ADAMTS19: variants seen among roughly 807,000 people sequenced by gnomAD.
ADAMTS19 encodes the protein ADAM metallopeptidase with thrombospondin type 1 motif 19.
In ADAMTS19, 93 loss-of-function variants were observed where a neutral mutation model predicts 153.3. The ratio of observed to expected loss-of-function variants is 0.61; its 90% confidence interval spans 0.51 to 0.72. ADAMTS19 has a LOEUF of 0.72. Ranked by LOEUF, ADAMTS19 falls within the 30% of genes least tolerant of loss-of-function variation. The pLI, the probability that ADAMTS19 is intolerant of heterozygous loss-of-function variation, is 0.00. For missense variants in ADAMTS19, 1,482 were observed against 1,552.1 expected, an observed-to-expected ratio of 0.95 and a Z score of 0.76; for synonymous variants, 600 against 556.6, an observed-to-expected ratio of 1.08 and a Z score of -1.10.
intron 2 of ADAMTS19, among the ~76,000 whole-genome samples, chr5:129,473,065 A>G (rs1048675512): frequency 6.6e-6 from 1 of 151,774 alleles, no homozygotes; most frequent in African/African-American, 2.4e-5. Flanking sequence ...ATGCATAAGA[A>G]TTGAATGGTA....
intron 22 of ADAMTS19, 146 bp from the exon 23 acceptor site, chr5:129,736,921 A>G (rs1757690526): frequency 3.2e-6 from 2 of 618,814 alleles, no homozygotes; most frequent in African/African-American, 1.9e-5. Context: ...ATGTGTGTGT[A>G]TCTCTTTCTT....
intron 21 of ADAMTS19, among the ~76,000 whole-genome samples, chr5:129,724,291 T>G (rs1757118272): frequency 6.6e-6 from 1 of 152,210 alleles, no homozygotes; most frequent in South Asian, 2.1e-4. Context: ...CTGCTATCTG[T>G]CATATTCTTA....
chr5:129,737,401 T>C lies in ADAMTS19; in HGVS notation c.*183T>C. On this transcript the variant is annotated 3_prime_UTR_variant, in exon 23 of 23. Transcript: ENST00000274487. ...TTGGTTACACAAACATTTTGATTTA[T>C]ACTATATGGCTTCATAAATAATTTT... The C allele has an allele frequency of 4.2e-6, 2 of 474,842 alleles. No homozygotes were observed. Among genetic ancestry groups the C allele is most frequent in the Non-Finnish European group, 6.8e-6 (2 of 296,048 alleles). 29.4% of individuals were successfully genotyped at this position (474,842 alleles called of 1,614,324 possible).
chr5:129,623,383 C>T (rs1751875329), intron 10 of ADAMTS19, among the ~76,000 whole-genome samples: 1 of 152,126 alleles, frequency 6.6e-6, no homozygotes, highest in South Asian at 2.1e-4. Flanking sequence ...AACACACACA[C>T]ATACACATTG....
intron 21 of ADAMTS19, among the ~76,000 whole-genome samples, chr5:129,705,292 G>T (rs755359382): frequency 1.3e-5 from 2 of 152,276 alleles, no homozygotes; most frequent in Non-Finnish European, 2.9e-5. Flanking sequence ...GGGGTATGGA[G>T]AGGAGTATAA....
chr5:129,669,511 T>G (rs1754203061), intron 16 of ADAMTS19, among the ~76,000 whole-genome samples: 1 of 152,146 alleles, frequency 6.6e-6, no homozygotes, highest in African/African-American at 2.4e-5. Context: ...TTTTGTTCCC[T>G]TAGTCAGTCT....
At chr5:129,722,745 T>C (rs1283765685) in intron 21 of ADAMTS19, among the ~76,000 whole-genome samples, 1 of 152,202 alleles carries the variant, frequency 6.6e-6, no homozygotes, top group Non-Finnish European at 1.5e-5. Flanking sequence ...CACTTTCCAT[T>C]AATGCCATAA....
intron 2 of ADAMTS19, among the ~76,000 whole-genome samples, chr5:129,485,386 T>C (rs1185274189): frequency 6.6e-6 from 1 of 152,050 alleles, no homozygotes; most frequent in East Asian, 1.9e-4. Flanking sequence ...TAAATACTTT[T>C]GTTAGGAAAG....
chr5:129,528,935 C>T (rs1291491387), intron 6 of ADAMTS19, among the ~76,000 whole-genome samples: 5 of 152,042 alleles, frequency 3.3e-5, no homozygotes, highest in Non-Finnish European at 7.4e-5. Context: ...AAGGCATAGT[C>T]ATTGATAATG....
At chr5:129,594,449 A>C (rs1357490747) in intron 7 of ADAMTS19, among the ~76,000 whole-genome samples, 1 of 152,188 alleles carries the variant, frequency 6.6e-6, no homozygotes, top group East Asian at 1.9e-4. Flanking sequence ...CAATGGTAGC[A>C]GCATGCTAAT....
intron 3 of ADAMTS19, among the ~76,000 whole-genome samples, chr5:129,510,496 A>G (rs897204588): frequency 4.0e-5 from 6 of 151,824 alleles, no homozygotes; most frequent in African/African-American, 9.7e-5. Context: ...CCTCTTCTCT[A>G]TTACAAACAC....
chr5:129,645,206 A>G (rs1753006259), intron 11 of ADAMTS19, among the ~76,000 whole-genome samples: 1 of 152,246 alleles, frequency 6.6e-6, no homozygotes, highest in Admixed American at 6.5e-5. Flanking sequence ...AGTAGATAAG[A>G]CAATTTTTTA....
intron 19 of ADAMTS19, among the ~76,000 whole-genome samples, chr5:129,699,340 T>C (rs1458733810): frequency 6.6e-6 from 1 of 151,490 alleles, no homozygotes; most frequent in African/African-American, 2.4e-5. Flanking sequence ...GGAGAACAGC[T>C]TGAACCCAGG....
chr5:129,510,860 T>G (rs200300874), intron 3 of ADAMTS19, among the ~76,000 whole-genome samples: 66 of 146,960 alleles, frequency 4.5e-4, no homozygotes, highest in African/African-American at 1.7e-3. Context: ...TTCTGAGATA[T>G]ATATATATAT....
At chr5:129,689,474 G>C (rs1755236564) in intron 18 of ADAMTS19, among the ~76,000 whole-genome samples, 1 of 152,102 alleles carries the variant, frequency 6.6e-6, no homozygotes, top group African/African-American at 2.4e-5. Flanking sequence ...GCCCAGGCTA[G>C]AGTGCAGTGG....
At chr5:129,512,114 T>A (rs1415275311) in intron 3 of ADAMTS19, among the ~76,000 whole-genome samples, 1 of 152,014 alleles carries the variant, frequency 6.6e-6, no homozygotes, top group African/African-American at 2.4e-5. Context: ...CAAGTGACAT[T>A]ATCAGTTTGT....
chr5:129,516,759 GA>G (rs1164175880), intron 3 of ADAMTS19, among the ~76,000 whole-genome samples: 3 of 130,670 alleles, frequency 2.3e-5, no homozygotes, highest in African/African-American at 1.1e-4. Flanking sequence ...CTGTTTTATT[GA>G]TTTTTTTTGT....
At chr5:129,589,968 G>A (rs1750019038) in intron 7 of ADAMTS19, among the ~76,000 whole-genome samples, 1 of 152,144 alleles carries the variant, frequency 6.6e-6, no homozygotes, top group South Asian at 2.1e-4. Flanking sequence ...ATGTTCATGT[G>A]CTCACGGTAG....
chr5:129,552,094 A>T (rs1753143038), intron 7 of ADAMTS19, among the ~76,000 whole-genome samples, 187 bp downstream of exon 7: 1 of 151,920 alleles, frequency 6.6e-6, no homozygotes, highest in Non-Finnish European at 1.5e-5. Flanking sequence ...TATCAACTAT[A>T]TATATTGGAG....
Sources: gnomAD v4.1 joint callset for allele counts (sites outside exome capture counted in the v4.1 genomes callset) on GRCh38, gnomAD v4.1.1 for gene constraint, MANE v1.5 for transcripts, NCBI Gene and HGNC (gene_info 2026-07-23, HGNC 2026-07-21) for gene names.